The following TMEM232 variants were observed in gnomAD, a reference collection of about 807,000 sequenced individuals.
The protein encoded by TMEM232 is transmembrane protein 232.
Under a neutral mutation model 78.8 loss-of-function variants are expected in TMEM232, and 80 were observed. The observed-to-expected ratio is 1.01, with a 90% confidence interval of 0.85 to 1.22. The LOEUF (loss-of-function observed/expected upper bound fraction) is 1.22. Among genes scored for constraint, TMEM232 ranks in the 50% most tolerant of loss-of-function variants. TMEM232 has a pLI of 0.00. For missense variants in TMEM232, 881 were observed against 742.2 expected, an observed-to-expected ratio of 1.19 and a Z score of -2.17; for synonymous variants, 297 against 254.3, an observed-to-expected ratio of 1.17 and a Z score of -1.60.
chr5:110,560,265 T>C (rs1167946978), intron 11 of TMEM232, among the ~76,000 whole-genome samples: 1 of 152,144 alleles, frequency 6.6e-6, no homozygotes, highest in Non-Finnish European at 1.5e-5. Flanking sequence ...AATACTAGAT[T>C]GGACCATATA....
At chr5:110,515,421 C>T (rs1006613495) in intron 12 of TMEM232, among the ~76,000 whole-genome samples, 3 of 152,214 alleles carry the variant, frequency 2.0e-5, no homozygotes, top group South Asian at 4.2e-4. Flanking sequence ...TCATCCCGTC[C>T]CTTAGATGAT....
At chr5:110,447,906 T>C (rs1759839798) in intron 12 of TMEM232, among the ~76,000 whole-genome samples, 1 of 151,996 alleles carries the variant, frequency 6.6e-6, no homozygotes, top group African/African-American at 2.4e-5. Flanking sequence ...TAAAATTGAA[T>C]AAAAAGATGT....
chr5:110,494,027 T>G (rs1295308457), intron 12 of TMEM232, among the ~76,000 whole-genome samples: 2 of 152,108 alleles, frequency 1.3e-5, no homozygotes, highest in Non-Finnish European at 2.9e-5. Flanking sequence ...GTTGGTTTTC[T>G]GTTCTTGTGT....
At chr5:110,387,668 A>C (rs770400421) in intron 5 of TMEM232, 1 of 152,202 alleles carries the variant, frequency 6.6e-6, no homozygotes, top group Non-Finnish European at 1.5e-5. Context: ...CCATTAACCA[A>C]TGAAAAATAT....
chr5:110,574,044 C>G (rs1487113088), intron 10 of TMEM232, among the ~76,000 whole-genome samples: 1 of 151,396 alleles, frequency 6.6e-6, no homozygotes, highest in Non-Finnish European at 1.5e-5. Context: ...TTTTTTTTCA[C>G]TAATTCAAAA....
At chr5:110,678,065 T>G (rs114841840) in intron 1 of TMEM232, among the ~76,000 whole-genome samples, 1,779 of 152,174 alleles carry the variant, frequency 0.012, 46 homozygotes, top group African/African-American at 0.04. Flanking sequence ...TTAAAGACTT[T>G]ACTTATTTAT....
chr5:110,650,161 T>C (rs1339962196), intron 2 of TMEM232, among the ~76,000 whole-genome samples: 1 of 152,066 alleles, frequency 6.6e-6, no homozygotes, highest in African/African-American at 2.4e-5. Context: ...ATTGTTATGA[T>C]AACTTTAGTC....
At chr5:110,712,524 T>C (rs1413246573) in intron 1 of TMEM232, among the ~76,000 whole-genome samples, 2 of 152,148 alleles carry the variant, frequency 1.3e-5, no homozygotes, top group East Asian at 3.8e-4. Flanking sequence ...ATCAGAGAAA[T>C]GCAAATCAAA....
intron 1 of TMEM232, among the ~76,000 whole-genome samples, chr5:110,681,960 A>C (rs1392998578): frequency 6.6e-6 from 1 of 152,242 alleles, no homozygotes; most frequent in African/African-American, 2.4e-5. Context: ...CATAGTCTTT[A>C]GTAACCCCAG....
At chr5:110,655,062 A>C (rs1021782329) in intron 2 of TMEM232, among the ~76,000 whole-genome samples, 9 of 152,260 alleles carry the variant, frequency 5.9e-5, no homozygotes, top group African/African-American at 2.2e-4. Flanking sequence ...ATGGGATCTA[A>C]TTAAACTAAA....
At chr5:110,495,812 C>G (rs934066788) in intron 12 of TMEM232, among the ~76,000 whole-genome samples, 15 of 151,000 alleles carry the variant, frequency 9.9e-5, no homozygotes, top group African/African-American at 3.6e-4. Context: ...TGAAAGTGAT[C>G]TTCTGGTTTT....
At chr5:110,565,201 G>A (rs1581232109) in intron 11 of TMEM232, among the ~76,000 whole-genome samples, 1 of 152,000 alleles carries the variant, frequency 6.6e-6, no homozygotes, top group Middle Eastern at 3.4e-3. Context: ...GGGATATTGA[G>A]AAGTAATATA....
Position 110,420,700 on chromosome 5 carries a change from T to G in TMEM232, c.1854A>C (p.Glu618Asp). The change falls in exon 14 of 14, where the codon GAA (glutamate) becomes GAC (aspartate). Residue 618 changes from glutamate to aspartate, a missense_variant. Glu to Asp is a conservative substitution (Grantham distance 45). Transcript: ENST00000455884. ...EKEDAICKAQ[E>D]LKDKKLAEKN... Reference sequence around the variant, plus strand: ...TCTCTGCTAACTTTTTATCTTTAAGTTCTTGGGCCTTGCATATTGCATCTT... The same window carrying G: ...TCTCTGCTAACTTTTTATCTTTAAGGTCTTGGGCCTTGCATATTGCATCTT... The G allele has an allele frequency of 6.5e-7, 1 of 1,527,702 alleles. No individual in the cohort carries two copies. Among genetic ancestry groups the G allele is most frequent in the Admixed American group, 2.0e-5 (1 of 49,208 alleles). 94.6% of individuals were successfully genotyped at this position (1,527,702 alleles called of 1,614,324 possible).
chr5:110,440,214 G>T (rs1389558886), intron 12 of TMEM232, among the ~76,000 whole-genome samples: 1 of 152,100 alleles, frequency 6.6e-6, no homozygotes, highest in African/African-American at 2.4e-5. Flanking sequence ...AGATAAGGTT[G>T]GTGGAGAACA....
At chr5:110,642,416 C>T in intron 2 of TMEM232, 45 bp from the exon 3 acceptor site, 1 of 1,353,494 alleles carries the variant, frequency 7.4e-7, no homozygotes, top group Non-Finnish European at 9.9e-7. Flanking sequence ...GTATAGCTAT[C>T]ACTTCCAAAT....
At chr5:110,495,011 G>A (rs904601625) in intron 12 of TMEM232, among the ~76,000 whole-genome samples, 1 of 151,616 alleles carries the variant, frequency 6.6e-6, no homozygotes, top group Non-Finnish European at 1.5e-5. Context: ...AGCAGTAGGA[G>A]AATGGAATTG....
At chr5:110,672,130 T>G (rs1391644179) in intron 1 of TMEM232, among the ~76,000 whole-genome samples, 1 of 152,212 alleles carries the variant, frequency 6.6e-6, no homozygotes, top group African/African-American at 2.4e-5. Context: ...TTTTGGCTAT[T>G]TCTTGAGATA....
intron 1 of TMEM232, among the ~76,000 whole-genome samples, chr5:110,721,673 G>GTGTGTATATATATATATATATATATA (rs146117698): frequency 1.1e-4 from 4 of 35,492 alleles, no homozygotes; most frequent in African/African-American, 3.1e-4. Context: ...GTGTGTGTGT[G>GTGTGTATATATATATATATATATATA]TATATATATA....
rs144606974 is a variant in TMEM232, at chr5:110,471,595, T to A, written c.1704-46679A>T. On this transcript the variant is annotated intron_variant, in intron 12 of 13. Coordinates refer to ENST00000455884, the MANE Select transcript of TMEM232 (RefSeq NM_001039763.4). ...CTGTGTAGTCCAGGAGAGAATGGGA[T>A]GACATATTCCAAGTGCTGAAAGAAA... 6.4e-3 allele frequency among the ~76,000 whole-genome samples: 967 copies of A among 150,618 alleles called. 18 individuals carry two copies. The highest frequency in any genetic ancestry group is 0.022 in the African/African-American group (896 of 40,936).
Sources: gnomAD v4.1 joint callset for allele counts (sites outside exome capture counted in the v4.1 genomes callset) on GRCh38, gnomAD v4.1.1 for gene constraint, MANE v1.5 for transcripts, NCBI Gene and HGNC (gene_info 2026-07-23, HGNC 2026-07-21) for gene names.